ENO1: variants seen among roughly 807,000 people sequenced by gnomAD.
ENO1 encodes the protein enolase 1, also known as alpha-enolase.
Under a neutral mutation model 46.3 loss-of-function variants are expected in ENO1, and 33 were observed. The observed-to-expected ratio is 0.71, with a 90% CI of 0.54 to 0.95. ENO1 has a LOEUF of 0.95. ENO1 is among the 40% of genes least tolerant of loss of function. The pLI is 0.00. For missense variants in ENO1, 488 were observed against 553.3 expected (o/e 0.88, Z 1.18); for synonymous variants, 220 against 216.0 (o/e 1.02, Z -0.16).
intron 1 of ENO1, chr1:8,878,332 G>C: frequency 3.4e-6 from 1 of 291,772 alleles, no homozygotes; most frequent in South Asian, 2.7e-5. Flanking sequence ...GTAATCACGT[G>C]TTGATCTGCA....
At chr1:8,865,064 G>A (rs1455961667) in intron 8 of ENO1, among the ~76,000 whole-genome samples, 1 of 152,136 alleles carries the variant, frequency 6.6e-6, no homozygotes, top group Admixed American at 6.5e-5. Flanking sequence ...ATGCAATGTC[G>A]CTGCTGGCAC....
At chr1:8,870,126 T>C (rs1002792249) in intron 4 of ENO1, 4 of 334,778 alleles carry the variant, frequency 1.2e-5, no homozygotes, top group African/African-American at 8.2e-5. Context: ...TTAGTCACCA[T>C]GGACACTACC....
At chr1:8,876,319 T>C (rs1249568934) in intron 1 of ENO1, 1 of 152,284 alleles carries the variant, frequency 6.6e-6, no homozygotes, top group East Asian at 1.9e-4. Context: ...AACAATGGAG[T>C]TTTATTCATT....
At chr1:8,866,254 G>A in intron 7 of ENO1, 25 bp downstream of exon 7, 4 of 1,610,434 alleles carry the variant, frequency 2.5e-6, no homozygotes, top group Non-Finnish European at 3.4e-6. Context: ...GGCTGGGTGG[G>A]GGGGCGGTTC....
At chr1:8,874,745 A>T in intron 2 of ENO1, 79 bp downstream of exon 2, 1 of 1,296,094 alleles carries the variant, frequency 7.7e-7, no homozygotes, top group African/African-American at 1.5e-5. Flanking sequence ...TTTTTTTCCT[A>T]AGGCTCCAGC....
intron 10 of ENO1, 24 bp downstream of exon 10, chr1:8,863,207 GAAGA>G: frequency 6.2e-7 from 1 of 1,611,168 alleles, no homozygotes; most frequent in East Asian, 2.2e-5. Flanking sequence ...TGAGGTCAGA[GAAGA>G]AAGGAGGAGA....
intron 1 of ENO1, among the ~76,000 whole-genome samples, chr1:8,876,482 A>G (rs1642734368): frequency 6.6e-6 from 1 of 152,174 alleles, no homozygotes; most frequent in African/African-American, 2.4e-5. Flanking sequence ...TCCAGTCAAT[A>G]TCCCCCTGCC....
chr1:8,863,965 G>C lies in ENO1; in HGVS notation c.993C>G (p.Ala331=), dbSNP rs267598749. The change falls in exon 9 of 12, where the codon GCC becomes GCG. Residue 331 remains alanine, a synonymous_variant. Transcript: ENST00000234590. ...GGCAGTTGCAGGACTTCTCGTTCAC[G>C]GCCTTGGCGATCCTCTTTGGGTTGG... The part of the protein sequence containing the change: ...TVTNPKRIAK[A]VNEKSCNCLL... 1.2e-6 allele frequency: 2 copies of C among 1,614,078 alleles called. No individual in the cohort carries two copies. The highest frequency in any genetic ancestry group is 1.7e-6 in the Non-Finnish European group (2 of 1,180,030).
In ENO1 at chr1:8,863,894, T is replaced by A. The variant is rs201636531; in HGVS notation, c.1064A>T (p.Gln355Leu). The A allele has an allele frequency of 1.9e-6, 3 of 1,613,612 alleles. No homozygotes were observed. Among genetic ancestry groups the A allele is most frequent in the African/African-American group, 2.7e-5 (2 of 74,720 alleles). Reference protein sequence around the residue: ...NQIGSVTESLQACKLAQANGW... With the variant: ...NQIGSVTESLLACKLAQANGW... Reference sequence around the variant, plus strand: ...GCTCGCCTGGGAAGACACTTACGCCTGAAGAGACTCGGTCACGGAGCCAAT... The same window carrying A: ...GCTCGCCTGGGAAGACACTTACGCCAGAAGAGACTCGGTCACGGAGCCAAT... Residue 355 changes from glutamine (Q) to leucine (L), a missense_variant, in exon 9 of 12, where the codon CAG becomes CTG. Physicochemically the swap from Gln to Leu is moderately radical, Grantham distance 113. Transcript: ENST00000234590.
chr1:8,861,409 C>T lies in ENO1; in HGVS notation c.1256G>A (p.Ser419Asn). 6.2e-7 allele frequency: 1 copy of T among 1,614,092 alleles called. No homozygotes were observed. Among genetic ancestry groups the T allele is most frequent in the Non-Finnish European group, 8.5e-7 (1 of 1,179,994 alleles). Residue 419 changes from serine to asparagine, a missense_variant, in exon 12 of 12, where the codon AGC (serine) becomes AAC (asparagine). Transcript: ENST00000234590. Reference sequence around the variant, plus strand: ...GTTCCTGCCGGCAAACTTAGCCTTGCTGCCCAGCTCCTCTTCAATTCTTGG... The same window carrying T: ...GTTCCTGCCGGCAAACTTAGCCTTGTTGCCCAGCTCCTCTTCAATTCTTGG... ...QLLRIEEELG[S>N]KAKFAGRNFR...
At chr1:8,874,599 AAG>A (rs1553156809) in intron 2 of ENO1, among the ~76,000 whole-genome samples, 52 of 144,690 alleles carry the variant, frequency 3.6e-4, no homozygotes, top group African/African-American at 1.3e-3. Context: ...AAAAAAAAAA[AAG>A]AAAAAGAAAA....
At chr1:8,865,749 G>C (rs905313613) in intron 7 of ENO1, among the ~76,000 whole-genome samples, 1 of 152,176 alleles carries the variant, frequency 6.6e-6, no homozygotes, top group African/African-American at 2.4e-5. Flanking sequence ...TAGTGCCCAG[G>C]AACAGCTGTC....
chr1:8,867,551 A>AT (rs1557582330), intron 5 of ENO1, among the ~76,000 whole-genome samples: 6 of 149,704 alleles, frequency 4.0e-5, no homozygotes, highest in African/African-American at 7.6e-5. Context: ...ATTCAAAAAA[A>AT]ATTTTTTTTT....
intron 8 of ENO1, 77 bp downstream of exon 8, chr1:8,865,208 C>G (rs1179467822): frequency 6.4e-7 from 1 of 1,565,948 alleles, no homozygotes; most frequent in Non-Finnish European, 8.8e-7. Context: ...GCAGCCATCA[C>G]CAGCCAGCCA....
Position 8,861,414 on chromosome 1 carries a change from C to G in ENO1, c.1251G>C (p.Leu417=). Reference sequence around the variant, plus strand: ...TGCCGGCAAACTTAGCCTTGCTGCCCAGCTCCTCTTCAATTCTTGGGAAGG... The same window carrying G: ...TGCCGGCAAACTTAGCCTTGCTGCCGAGCTCCTCTTCAATTCTTGGGAAGG... The part of the protein sequence containing the change: ...YNQLLRIEEE[L]GSKAKFAGRN... The change falls in exon 12 of 12, where the codon CTG becomes CTC. Residue 417 remains leucine (L), a synonymous_variant. Coordinates refer to ENST00000234590, the MANE Select transcript of ENO1 (RefSeq NM_001428.5). 1 of 1,614,074 alleles carries G rather than the reference C, an allele frequency of 6.2e-7. No homozygotes were observed. Among genetic ancestry groups the G allele is most frequent in the African/African-American group, 1.3e-5 (1 of 75,020 alleles).
In ENO1 at chr1:8,868,009, T is replaced by C; in HGVS notation, c.289A>G (p.Met97Val). 6.2e-7 allele frequency: 1 copy of C among 1,614,078 alleles called. No individual in the cohort carries two copies. Among genetic ancestry groups the C allele is most frequent in the South Asian group, 1.1e-5 (1 of 91,076 alleles). ...QEKIDKLMIE[M>V]DGTENKSKFG... ...TCACATTTATTTTCTGTTCCATCCA[T>C]CTCGATCATCAGTTTGTCAATCTTC... is the stretch of plus-strand genomic sequence containing the variant. The change falls in exon 5 of 12, where the codon ATG becomes GTG. Residue 97 changes from methionine to valine, a missense_variant. Transcript: ENST00000234590.
Position 8,865,300 on chromosome 1 carries a change from T to C in ENO1, c.850A>G (p.Ile284Val). 6.2e-7 allele frequency: 1 copy of C among 1,614,128 alleles called. No homozygotes were observed. Among genetic ancestry groups the C allele is most frequent in the Non-Finnish European group, 8.5e-7 (1 of 1,179,996 alleles). ...GAACACTCACCTGGGTAGTCCTTGA[T>C]GAAGGACTTGTACAGGTCAGCCAGC... ...DQLADLYKSF[I>V]KDYPVVSIED... Residue 284 changes from isoleucine (I) to valine (V), a missense_variant, in exon 8 of 12, where the codon ATC (isoleucine) becomes GTC (valine). By Grantham distance (29) the Ile-to-Val change is conservative. Transcript: ENST00000234590.
intron 7 of ENO1, chr1:8,866,036 G>C: frequency 2.3e-6 from 1 of 434,506 alleles, no homozygotes; most frequent in South Asian, 2.8e-5. Context: ...AGCCGAGATT[G>C]CGCCACTGCA....
intron 10 of ENO1, 77 bp downstream of exon 10, chr1:8,863,158 G>T: frequency 6.5e-7 from 1 of 1,535,094 alleles, no homozygotes; most frequent in South Asian, 1.2e-5. Flanking sequence ...AACGGGGACA[G>T]ACATGGAGCC....
Sources: gnomAD v4.1 joint callset for allele counts (sites outside exome capture counted in the v4.1 genomes callset) on GRCh38, gnomAD v4.1.1 for gene constraint, MANE v1.5 for transcripts, NCBI Gene and HGNC (gene_info 2026-07-23, HGNC 2026-07-21) for gene names.